The following MFAP1 variants were observed in gnomAD, a reference collection of about 807,000 sequenced individuals.
MFAP1 encodes the protein microfibrillar-associated protein 1.
In MFAP1, 18 loss-of-function variants were observed where a neutral mutation model predicts 62.2. That is an observed-to-expected ratio of 0.29 (90% CI 0.20 to 0.43). The LOEUF (loss-of-function observed/expected upper bound fraction) is 0.43, where lower values mean the gene tolerates loss of function less well. MFAP1 is among the 20% of genes least tolerant of loss of function. MFAP1 has a pLI of 1.00. For missense variants in MFAP1, 355 were observed against 559.7 expected (o/e 0.63, Z 3.69); for synonymous variants, 175 against 180.4 (o/e 0.97, Z 0.24).
At chr15:43,816,065 T>C (rs1377569900) in intron 2 of MFAP1, among the ~76,000 whole-genome samples, 1 of 151,864 alleles carries the variant, frequency 6.6e-6, no homozygotes, top group Admixed American at 6.6e-5. Flanking sequence ...TAAAAGAAAG[T>C]ATAGTATGAA....
chr15:43,823,693 C>A (rs902260626), intron 1 of MFAP1, among the ~76,000 whole-genome samples: 10 of 152,250 alleles, frequency 6.6e-5, no homozygotes, highest in Admixed American at 5.9e-4. Flanking sequence ...CTTTTTTGAA[C>A]AAGGGGACAA....
chr15:43,813,407 C>T (rs765784772), intron 4 of MFAP1, 50 bp from the exon 5 acceptor site: 1 of 1,538,796 alleles, frequency 6.5e-7, no homozygotes, highest in Non-Finnish European at 8.8e-7. Context: ...GAGTGGAGTG[C>T]TTTGTTCCCC....
chr15:43,819,183 ACT>A (rs2087452621), intron 1 of MFAP1, among the ~76,000 whole-genome samples: 1 of 152,146 alleles, frequency 6.6e-6, no homozygotes, highest in Non-Finnish European at 1.5e-5. Flanking sequence ...ACACAGTAAG[ACT>A]CTGTCTTTAA....
intron 6 of MFAP1, among the ~76,000 whole-genome samples, chr15:43,812,306 C>CGG (rs2087406943): frequency 1.3e-5 from 2 of 152,156 alleles, no homozygotes; most frequent in African/African-American, 4.8e-5. Flanking sequence ...TGCTCCTCCT[C>CGG]TGCAGAGGTG....
chr15:43,818,523 A>C (rs923754349), intron 1 of MFAP1, among the ~76,000 whole-genome samples: 1 of 105,096 alleles, frequency 9.5e-6, no homozygotes, highest in African/African-American at 4.5e-5. Context: ...AAAAAGAAAC[A>C]AAAAAAAAAA....
At chr15:43,808,163 TGAAG>T (rs2087377422) in intron 7 of MFAP1, among the ~76,000 whole-genome samples, 1 of 152,222 alleles carries the variant, frequency 6.6e-6, no homozygotes, top group Admixed American at 6.5e-5. Flanking sequence ...ACACATATGC[TGAAG>T]GAATTAAAAA....
intron 7 of MFAP1, among the ~76,000 whole-genome samples, chr15:43,809,504 A>AG (rs1255168657): frequency 6.6e-5 from 10 of 152,012 alleles, no homozygotes; most frequent in African/African-American, 1.2e-4. Context: ...AAAAAAAAAA[A>AG]AAAAGTCTAT....
Position 43,813,280 on chromosome 15 carries a change from A to G in MFAP1, c.695T>C (p.Met232Thr). The change falls in exon 5 of 9, where the codon ATG (methionine) becomes ACG (threonine). Residue 232 changes from methionine to threonine, a missense_variant. Physicochemically the swap from Met to Thr is moderately conservative, Grantham distance 81. Around this residue, in one of 6 missense-constraint regions of MFAP1, gnomAD observed 257 missense variants for 341.3 expected, o/e 0.75. Coordinates refer to ENST00000267812, the MANE Select transcript of MFAP1 (RefSeq NM_005926.3). ...TGTGTACTTGCGCCTTTCCTCAGCC[A>G]TGCGTTTTGCTTCCTGCTCCAGCTC... is the stretch of plus-strand genomic sequence containing the variant. Reference protein sequence around the residue: ...QKELEQEAKRMAEERRKYTLK... With the variant: ...QKELEQEAKRTAEERRKYTLK... The G allele has an allele frequency of 6.2e-7, 1 of 1,613,266 alleles. No individual in the cohort carries two copies. Among genetic ancestry groups the G allele is most frequent in the African/African-American group, 1.3e-5 (1 of 74,896 alleles).
intron 1 of MFAP1, among the ~76,000 whole-genome samples, chr15:43,822,901 C>G (rs2087475204): frequency 6.6e-6 from 1 of 151,662 alleles, no homozygotes; most frequent in African/African-American, 2.4e-5. Context: ...TGCAATGGTG[C>G]GATCTCGGCT....
At chr15:43,808,155 A>T (rs2087377352) in intron 7 of MFAP1, among the ~76,000 whole-genome samples, 1 of 152,214 alleles carries the variant, frequency 6.6e-6, no homozygotes, top group South Asian at 2.1e-4. Context: ...ATTTATAAAC[A>T]CATATGCTGA....
chr15:43,815,157 A>G, intron 2 of MFAP1, 83 bp from the exon 3 acceptor site: 1 of 1,547,746 alleles, frequency 6.5e-7, no homozygotes, highest in Non-Finnish European at 8.8e-7. Context: ...CACAGAGCAC[A>G]TTATGTTTGC....
At chr15:43,816,011 G>A (rs2087431542) in intron 2 of MFAP1, among the ~76,000 whole-genome samples, 4 of 152,090 alleles carry the variant, frequency 2.6e-5, no homozygotes, top group Non-Finnish European at 2.9e-5. Flanking sequence ...CGAGAATATC[G>A]TGTCTTTGTG....
At chr15:43,809,702 G>T in intron 7 of MFAP1, 53 bp downstream of exon 7, 1 of 1,574,234 alleles carries the variant, frequency 6.4e-7, no homozygotes, top group Non-Finnish European at 8.7e-7. Context: ...ATAATTCAAA[G>T]TTTCTGAGTT....
chr15:43,808,815 A>G (rs2087381245), intron 7 of MFAP1, among the ~76,000 whole-genome samples: 1 of 152,246 alleles, frequency 6.6e-6, no homozygotes, highest in African/African-American at 2.4e-5. Context: ...AATTTGCCAC[A>G]CGGCACTTGA....
At chr15:43,820,836 G>C (rs1048880031) in intron 1 of MFAP1, among the ~76,000 whole-genome samples, 26 of 152,040 alleles carry the variant, frequency 1.7e-4, no homozygotes, top group Non-Finnish European at 3.5e-4. Context: ...TTGAACTCCT[G>C]GACTCAAGTG....
chr15:43,811,875 A>C (rs935588718), intron 6 of MFAP1, among the ~76,000 whole-genome samples: 5 of 151,934 alleles, frequency 3.3e-5, no homozygotes, highest in African/African-American at 1.2e-4. Context: ...AATTTACAGG[A>C]ATGAGTGATG....
At chr15:43,808,021 T>C (rs552940341) in intron 7 of MFAP1, among the ~76,000 whole-genome samples, 6 of 152,082 alleles carry the variant, frequency 3.9e-5, no homozygotes, top group Non-Finnish European at 8.8e-5. Flanking sequence ...ACACCTGTAG[T>C]CCCAATTACT....
intron 1 of MFAP1, among the ~76,000 whole-genome samples, chr15:43,821,505 C>T (rs1386164434): frequency 1.3e-5 from 2 of 151,966 alleles, no homozygotes; most frequent in Admixed American, 6.6e-5. Flanking sequence ...CCAGGAAGTA[C>T]ACAGAGATCA....
chr15:43,804,964 G>A lies in MFAP1; in HGVS notation c.*130C>T, dbSNP rs924208769. 1.1e-5 allele frequency: 11 copies of A among 1,015,192 alleles called. No homozygotes were observed. The highest frequency in any genetic ancestry group is 1.6e-5 in the Non-Finnish European group (11 of 698,882). 62.9% of individuals were successfully genotyped at this position (1,015,192 alleles called of 1,614,324 possible). ...GCACCTTCAAAGTCTGGGCTACCCA[G>A]TATCACAAGTATAGCAGTAAGTCCA... On this transcript the variant is annotated 3_prime_UTR_variant, in exon 9 of 9. Transcript: ENST00000267812.
Sources: gnomAD v4.1 joint callset for allele counts (sites outside exome capture counted in the v4.1 genomes callset) on GRCh38, gnomAD v4.1.1 for gene constraint, gnomAD v4.1.1 regional missense constraint, MANE v1.5 for transcripts, NCBI Gene and HGNC (gene_info 2026-07-23, HGNC 2026-07-21) for gene names.